The following AS3MT variants were observed in gnomAD, a reference collection of about 807,000 sequenced individuals.
The protein encoded by AS3MT is arsenite methyltransferase.
A neutral mutation model predicts 45.3 loss-of-function variants in AS3MT; 47 were observed. The observed-to-expected ratio is 1.04, with a 90% CI of 0.82 to 1.32. The LOEUF is 1.32. Ranked by LOEUF, AS3MT falls within the 40% of genes most tolerant of loss-of-function variation. AS3MT has a pLI of 0.00. For missense variants in AS3MT, 396 were observed against 451.1 expected (o/e 0.88, Z 1.11); for synonymous variants, 141 against 152.8 (o/e 0.92, Z 0.57).
intron 3 of AS3MT, among the ~76,000 whole-genome samples, chr10:102,872,041 C>T (rs1844699042): frequency 6.6e-6 from 1 of 152,022 alleles, no homozygotes; most frequent in Non-Finnish European, 1.5e-5. Context: ...TGCTACCGTG[C>T]CCAGCTGATT....
chr10:102,877,076 G>T (rs1564791492), intron 7 of AS3MT, 41 bp downstream of exon 7: 1 of 1,568,430 alleles, frequency 6.4e-7, no homozygotes, highest in Admixed American at 1.7e-5. Flanking sequence ...GCAGATGGTT[G>T]TACATGTGCA....
chr10:102,896,589 C>G (rs1417267373), intron 10 of AS3MT, among the ~76,000 whole-genome samples: 1 of 151,416 alleles, frequency 6.6e-6, no homozygotes, highest in Non-Finnish European at 1.5e-5. Context: ...GGGTGGATCA[C>G]GAGGTCAGGA....
intron 6 of AS3MT, among the ~76,000 whole-genome samples, chr10:102,876,249 A>G (rs1844782634): frequency 6.6e-6 from 1 of 151,898 alleles, no homozygotes; most frequent in African/African-American, 2.4e-5. Context: ...CAACATTACA[A>G]AAAGTTATAT....
At chr10:102,870,406 G>T (rs970181733) in intron 3 of AS3MT, among the ~76,000 whole-genome samples, 195 bp downstream of exon 3, 4 of 152,150 alleles carry the variant, frequency 2.6e-5, no homozygotes, top group African/African-American at 9.7e-5. Flanking sequence ...GCGCCAGTGA[G>T]CCTGTAGTCC....
intron 10 of AS3MT, among the ~76,000 whole-genome samples, chr10:102,895,286 C>T (rs1845145374): frequency 1.3e-5 from 2 of 151,970 alleles, no homozygotes; most frequent in South Asian, 4.2e-4. Flanking sequence ...CAGCCTCTGC[C>T]TCCTGGGTTC....
intron 5 of AS3MT, among the ~76,000 whole-genome samples, chr10:102,873,767 A>G (rs600266): frequency 0.023 from 3,478 of 152,190 alleles, 66 homozygotes; most frequent in Non-Finnish European, 0.036. Context: ...TTAACCACAA[A>G]CCAATGAACC....
chr10:102,885,818 C>T lies in AS3MT; in HGVS notation c.886-4726C>T, dbSNP rs1377733667. On this transcript the variant is annotated intron_variant, in intron 9 of 10. Coordinates refer to ENST00000369880, the MANE Select transcript of AS3MT (RefSeq NM_020682.4). ...TGCTGGGATTACAGGCGTGAGCCACCGCGCCCGGCCCACTAATTTTTGTAT... is the reference window on the plus strand; with the variant it reads ...TGCTGGGATTACAGGCGTGAGCCACTGCGCCCGGCCCACTAATTTTTGTAT... Among the ~76,000 whole-genome samples, 17 of 126,552 alleles carry T rather than the reference C, an allele frequency of 1.3e-4. 6 individuals carry two copies. In the East Asian group the frequency reaches 3.3e-3, roughly 25 times the overall value. 83.0% of individuals were successfully genotyped at this position (126,552 alleles called of 152,430 possible).
intron 5 of AS3MT, among the ~76,000 whole-genome samples, chr10:102,874,073 C>A (rs1206465422): frequency 6.6e-6 from 1 of 151,900 alleles, no homozygotes; most frequent in Non-Finnish European, 1.5e-5. Flanking sequence ...AACAACATGG[C>A]GAAACCCCGT....
chr10:102,893,805 C>T (rs527495304), intron 10 of AS3MT, among the ~76,000 whole-genome samples: 4 of 151,852 alleles, frequency 2.6e-5, no homozygotes, highest in South Asian at 2.1e-4. Flanking sequence ...AGCCCTAATT[C>T]GTATTTTTAG....
rs1291147995 is a variant in AS3MT at position 102,872,598 on chromosome 10, G to A, written c.321G>A (p.Gln107=). The A allele has an allele frequency of 1.9e-6, 3 of 1,591,156 alleles. No homozygotes were observed. The highest frequency in any genetic ancestry group is 2.7e-5 in the African/African-American group (2 of 73,568). Residue 107 remains glutamine (Q), a splice_region_variant and synonymous_variant, in exon 4 of 11, where the codon CAG becomes CAA. Coordinates refer to ENST00000369880, the MANE Select transcript of AS3MT (RefSeq NM_020682.4). The part of the protein sequence containing the change: ...HVTGIDMTKG[Q]VEVAEKYLDY... ...CTGGAATAGACATGACCAAAGGCCA[G>A]GTGAGGCATGATTTGGAAGACAAGG...
chr10:102,893,316 T>C (rs2134130221), intron 10 of AS3MT, among the ~76,000 whole-genome samples: 1 of 152,068 alleles, frequency 6.6e-6, no homozygotes, highest in East Asian at 1.9e-4. Context: ...CCTAGAACTT[T>C]CTTTTTTTTG....
At chr10:102,891,316 C>A (rs1303046592) in intron 10 of AS3MT, among the ~76,000 whole-genome samples, 3 of 152,240 alleles carry the variant, frequency 2.0e-5, no homozygotes. Flanking sequence ...GGAGCCCTCT[C>A]CTGCCCTGCT....
intron 3 of AS3MT, among the ~76,000 whole-genome samples, chr10:102,871,546 C>CAAAAAAAAAAAA (rs748797211): frequency 3.9e-4 from 9 of 23,284 alleles, no homozygotes; most frequent in African/African-American, 1.2e-3. Flanking sequence ...GACTCCGTCT[C>CAAAAAAAAAAAA]AAAAAAAAAA....
In AS3MT at chr10:102,900,894, G is replaced by C. The variant is rs1239297743; in HGVS notation, c.*194G>C. The C allele has an allele frequency of 4.4e-6, 2 of 455,550 alleles. No homozygotes were observed. Among genetic ancestry groups the C allele is most frequent in the Non-Finnish European group, 4.0e-6 (1 of 249,322 alleles). 28.2% of individuals were successfully genotyped at this position (455,550 alleles called of 1,614,324 possible). ...AGGTCAGGAGTTTGATACCAGCCTG[G>C]CCAACATGGTGAAATCCTGTCTCTA... On this transcript the variant is annotated 3_prime_UTR_variant, in exon 11 of 11. Coordinates refer to ENST00000369880, the MANE Select transcript of AS3MT (RefSeq NM_020682.4).
chr10:102,876,981 G>A lies in AS3MT; in HGVS notation c.556G>A (p.Val186Ile), dbSNP rs576986384. The A allele has an allele frequency of 2.7e-5, 44 of 1,614,122 alleles. No homozygotes were observed. Among genetic ancestry groups the A allele is most frequent in the East Asian group, 2.5e-4 (11 of 44,872 alleles). ...KHGGELYFSD[V>I]YTSLELPEEI... is the part of the protein sequence containing the mutation. ...TGGTGGGGAGTTATATTTCAGTGAC[G>A]TCTATACGAGCCTTGAACTGCCAGA... The change falls in exon 7 of 11, where the codon GTC becomes ATC. Residue 186 changes from valine (V) to isoleucine (I), a missense_variant. Transcript: ENST00000369880.
chr10:102,869,969 T>G, intron 2 of AS3MT, 115 bp from the exon 3 acceptor site: 1 of 1,560,652 alleles, frequency 6.4e-7, no homozygotes, highest in Non-Finnish European at 8.7e-7. Context: ...GCTTCGACCT[T>G]TCCAGGGAAC....
At chr10:102,894,983 A>G (rs1435641500) in intron 10 of AS3MT, among the ~76,000 whole-genome samples, 1 of 152,222 alleles carries the variant, frequency 6.6e-6, no homozygotes, top group African/African-American at 2.4e-5. Context: ...CACTTTGGGC[A>G]CATGTTTGCA....
At chr10:102,870,426 G>T (rs910102440) in intron 3 of AS3MT, among the ~76,000 whole-genome samples, 1 of 152,202 alleles carries the variant, frequency 6.6e-6, no homozygotes, top group African/African-American at 2.4e-5. Flanking sequence ...CCAAGTGCTT[G>T]GGAGGCTGAG....
chr10:102,874,253 C>CA (rs1564790755), intron 5 of AS3MT, among the ~76,000 whole-genome samples: 1 of 147,148 alleles, frequency 6.8e-6, no homozygotes, highest in Admixed American at 6.8e-5. Context: ...AACATCCTCT[C>CA]GGGAAAAAAA....
Sources: gnomAD v4.1 joint callset for allele counts (sites outside exome capture counted in the v4.1 genomes callset) on GRCh38, gnomAD v4.1.1 for gene constraint, MANE v1.5 for transcripts, NCBI Gene and HGNC (gene_info 2026-07-23, HGNC 2026-07-21) for gene names.